CDC42BPG: variants seen among roughly 807,000 people sequenced by gnomAD.
The protein encoded by CDC42BPG is CDC42 binding protein kinase gamma.
Under a neutral mutation model 192.2 loss-of-function variants are expected in CDC42BPG, and 157 were observed. The ratio of observed to expected loss-of-function variants is 0.82; its 90% confidence interval spans 0.72 to 0.93. The LOEUF is 0.93. Among genes scored for constraint, CDC42BPG ranks in the 40% least tolerant of loss-of-function variants. The pLI is 0.00. For synonymous variants in CDC42BPG, 981 were observed against 918.5 expected (o/e 1.07, Z -1.23); for missense variants, 1,992 against 2,122.1 (o/e 0.94, Z 1.20).
At chr11:64,825,439 A>G (rs1034392970) in intron 36 of CDC42BPG, among the ~76,000 whole-genome samples, 1 of 152,166 alleles carries the variant, frequency 6.6e-6, no homozygotes, top group African/African-American at 2.4e-5. Flanking sequence ...TGACTACCTG[A>G]CCAAGCGGCC....
At position 64,834,284 on chromosome 11, in the gene CDC42BPG, G is replaced by A. The variant is rs773077795; in HGVS notation, c.2395C>T (p.Arg799Trp). ...QELAMLREEL[R>W]ARGPVDTKPS... Reference sequence around the variant, plus strand: ...CACTCACCCACTGGCCCTCGGGCCCGCAGCTCCTCCCGCAGCATGGCGAGC... The same window carrying A: ...CACTCACCCACTGGCCCTCGGGCCCACAGCTCCTCCCGCAGCATGGCGAGC... The change falls in exon 20 of 37, where the codon CGG becomes TGG. Residue 799 changes from arginine to tryptophan, a missense_variant. Transcript: ENST00000342711. 3.8e-6 allele frequency: 6 copies of A among 1,576,578 alleles called. No homozygotes were observed. The Admixed American group carries it at 5.3e-5, about 14-fold the overall frequency.
chr11:64,839,507 A>G lies in CDC42BPG; in HGVS notation c.646T>C (p.Ser216Pro). ...NGHIRLADFG[S>P]CLRLNTNGMV... ...CCGTTGGTGTTGAGACGCAGGCAGG[A>G]GCCGAAGTCAGCCAGGCGAATGTGC... Residue 216 changes from serine to proline, a missense_variant, in exon 6 of 37, where the codon TCC (serine) becomes CCC (proline). Ser to Pro is a moderately conservative substitution (Grantham distance 74). Around this residue, in one of 2 missense-constraint regions of CDC42BPG, gnomAD observed 1,656 missense variants for 1,844.3 expected, o/e 0.90. Transcript: ENST00000342711. 1 of 1,613,206 alleles carries G rather than the reference A, an allele frequency of 6.2e-7. No individual in the cohort carries two copies. The highest frequency in any genetic ancestry group is 1.1e-5 in the South Asian group (1 of 91,082).
chr11:64,839,511 G>C lies in CDC42BPG; in HGVS notation c.642C>G (p.Phe214Leu). ...TGGTGTTGAGACGCAGGCAGGAGCC[G>C]AAGTCAGCCAGGCGAATGTGCCCGT... ...DVNGHIRLADFGSCLRLNTNG... is the reference protein window; with the variant it reads ...DVNGHIRLADLGSCLRLNTNG... The change falls in exon 6 of 37, where the codon TTC becomes TTG. Residue 214 changes from phenylalanine (F) to leucine (L), a missense_variant. Phe to Leu is a conservative substitution (Grantham distance 22). Coordinates refer to ENST00000342711, the MANE Select transcript of CDC42BPG (RefSeq NM_017525.3). The C allele has an allele frequency of 6.2e-7, 1 of 1,613,248 alleles. No homozygotes were observed.
At position 64,823,542 on chromosome 11, in the gene CDC42BPG, A is replaced by G. The variant is rs1942318121; in HGVS notation, c.*931T>C. On this transcript the variant is annotated 3_prime_UTR_variant, in exon 37 of 37. Transcript: ENST00000342711. ...AATAACAATATAATGACTGTGATCAATAGTAAAATGCGCCCTAGTTTCCAA... is the reference window on the plus strand; with the variant it reads ...AATAACAATATAATGACTGTGATCAGTAGTAAAATGCGCCCTAGTTTCCAA... 6.6e-6 allele frequency: 1 copy of G among 152,144 alleles called. No individual in the cohort carries two copies. The highest frequency in any genetic ancestry group is 2.1e-4 in the South Asian group (1 of 4,826). 9.4% of individuals were successfully genotyped at this position (152,144 alleles called of 1,614,324 possible).
intron 28 of CDC42BPG, among the ~76,000 whole-genome samples, chr11:64,830,627 C>G (rs1592691723): frequency 1.3e-5 from 2 of 152,202 alleles, no homozygotes; most frequent in South Asian, 2.1e-4. Flanking sequence ...CCCTCTGGTT[C>G]CCGACTGCTC....
chr11:64,840,147 G>A lies in CDC42BPG; in HGVS notation c.554C>T (p.Ser185Leu), dbSNP rs367737450. 34 of 1,612,802 alleles carry A rather than the reference G, an allele frequency of 2.1e-5. No individual in the cohort carries two copies. The highest frequency in any genetic ancestry group is 6.7e-5 in the Admixed American group (4 of 59,986). The change falls in exon 5 of 37, where the codon TCG becomes TTG. Residue 185 changes from serine to leucine, a missense_variant. Physicochemically the swap from Ser to Leu is moderately radical, Grantham distance 145. This residue lies in a region of CDC42BPG where 1,656 missense variants were observed against 1,844.3 expected (regional missense o/e 0.90). Coordinates refer to ENST00000342711, the MANE Select transcript of CDC42BPG (RefSeq NM_017525.3). The stretch of plus-strand genomic sequence containing the variant: ...GTGGACATAACCCAGCTGGTGCAGC[G>A]AGTGGATGGCCAGCACCATCTCAGC... ...YLAEMVLAIHSLHQLGYVHRD... is the reference protein window; with the variant it reads ...YLAEMVLAIHLLHQLGYVHRD...
intron 3 of CDC42BPG, 145 bp downstream of exon 3, chr11:64,841,505 T>G: frequency 1.5e-6 from 1 of 674,174 alleles, no homozygotes; most frequent in Non-Finnish European, 2.6e-6. Context: ...GTGAGAAAGA[T>G]AACAAATCAG....
In CDC42BPG at chr11:64,841,633, C is replaced by T. The variant is rs371911288; in HGVS notation, c.336+17G>A. 1 of 1,611,872 alleles carries T rather than the reference C, an allele frequency of 6.2e-7. No homozygotes were observed. Among genetic ancestry groups the T allele is most frequent in the African/African-American group, 1.3e-5 (1 of 74,832 alleles). On this transcript the variant is annotated intron_variant, in intron 3 of 36. Coordinates refer to ENST00000342711, the MANE Select transcript of CDC42BPG (RefSeq NM_017525.3). The stretch of plus-strand genomic sequence containing the variant: ...CATTTGTAGGGTGCCCAAGGGCCCC[C>T]CAGACTCCACACTGACCTCAGCCCT...
intron 34 of CDC42BPG, 27 bp from the exon 35 acceptor site, chr11:64,826,821 G>A: frequency 6.8e-7 from 1 of 1,474,986 alleles, no homozygotes; most frequent in Non-Finnish European, 9.0e-7. Context: ...CGGAGGGGCT[G>A]GGACTAGCAG....
At position 64,827,719 on chromosome 11, in the gene CDC42BPG, C is replaced by T. The variant is rs1343550247; in HGVS notation, c.4032G>A (p.Arg1344=). The change falls in exon 31 of 37, where the codon AGG becomes AGA. Residue 1344 remains arginine, a synonymous_variant. Transcript: ENST00000342711. ...GCGGCACGGTCTGCACCCATTCTGC[C>T]CTCCTCACGTCAAACACATCGATGG... ...ENSIDVFDVR[R]AEWVQTVPLK... The T allele has an allele frequency of 6.2e-6, 10 of 1,613,444 alleles. No homozygotes were observed. Among genetic ancestry groups the T allele is most frequent in the East Asian group, 2.2e-5 (1 of 44,870 alleles).
At chr11:64,826,426 TGAC>T in intron 36 of CDC42BPG, 41 bp downstream of exon 36, 1 of 1,393,364 alleles carries the variant, frequency 7.2e-7, no homozygotes, top group African/African-American at 1.4e-5. Context: ...CGGAACTGCC[TGAC>T]GTTTGAATAG....
At chr11:64,830,307 C>T (rs1391770199) in intron 28 of CDC42BPG, 51 bp from the exon 29 acceptor site, 18 of 1,477,446 alleles carry the variant, frequency 1.2e-5, no homozygotes, top group African/African-American at 2.8e-5. Flanking sequence ...CTCAATGACA[C>T]GGAGATTGGG....
At chr11:64,844,385 C>T in intron 1 of CDC42BPG, 25 bp downstream of exon 1, 1 of 1,376,086 alleles carries the variant, frequency 7.3e-7, no homozygotes, top group Non-Finnish European at 9.4e-7. Context: ...GGCCCGCCCC[C>T]GCTCCGTGCC....
chr11:64,830,336 G>A (rs1430909303), intron 28 of CDC42BPG, 80 bp from the exon 29 acceptor site: 8 of 1,191,686 alleles, frequency 6.7e-6, no homozygotes, highest in African/African-American at 1.5e-5. Context: ...CTGCCCTGCT[G>A]TGCCTGTTTA....
chr11:64,826,670 C>G lies in CDC42BPG; in HGVS notation c.4513+1G>C. The G allele has an allele frequency of 6.4e-7, 1 of 1,572,842 alleles. No homozygotes were observed. The highest frequency in any genetic ancestry group is 1.2e-5 in the South Asian group (1 of 85,194). On this transcript the variant is annotated splice_donor_variant, in intron 35 of 36. Transcript: ENST00000342711. LOFTEE classifies it high-confidence loss of function. ...ACTGGAGGCTGAGGGGCTGCCCTTA[C>G]TGGGGTCTGCGTCTCCACCGAGGCC...
At position 64,830,211 on chromosome 11, in the gene CDC42BPG, A is replaced by G. The variant is rs1254675041; in HGVS notation, c.3350T>C (p.Ile1117Thr). Reference sequence around the variant, plus strand: ...ATAGGTACCGTTGCTGCGCAGATGGATGACAAAGAGCCCCTCCTCGGTGCC... The same window carrying G: ...ATAGGTACCGTTGCTGCGCAGATGGGTGACAAAGAGCCCCTCCTCGGTGCC... ...ALGTEEGLFV[I>T]HLRSNDIFQV... is the part of the protein sequence containing the mutation. The change falls in exon 29 of 37, where the codon ATC (isoleucine) becomes ACC (threonine). Residue 1117 changes from isoleucine (I) to threonine (T), a missense_variant. This residue lies in a region of CDC42BPG where 1,656 missense variants were observed against 1,844.3 expected (regional missense o/e 0.90). Transcript: ENST00000342711. 6.2e-7 allele frequency: 1 copy of G among 1,613,566 alleles called. No homozygotes were observed. The highest frequency in any genetic ancestry group is 8.5e-7 in the Non-Finnish European group (1 of 1,179,778).
chr11:64,826,627 T>C (rs1376874164), intron 35 of CDC42BPG, 44 bp downstream of exon 35: 5 of 1,417,984 alleles, frequency 3.5e-6, no homozygotes, highest in Non-Finnish European at 2.8e-6. Flanking sequence ...GGTAGAAACT[T>C]GGGGTGGGGG....
Position 64,836,452 on chromosome 11 carries a change from C to T in CDC42BPG, c.1463G>A (p.Arg488Gln), listed in dbSNP as rs141461205. The T allele has an allele frequency of 2.4e-4, 389 of 1,612,862 alleles. No individual in the cohort carries two copies. The highest frequency in any genetic ancestry group is 3.3e-4 in the Middle Eastern group (2 of 6,082). The change falls in exon 12 of 37, where the codon CGG becomes CAG. Residue 488 changes from arginine (R) to glutamine (Q), a missense_variant. Around this residue, in one of 2 missense-constraint regions of CDC42BPG, gnomAD observed 1,656 missense variants for 1,844.3 expected, o/e 0.90. Transcript: ENST00000342711. Reference protein sequence around the residue: ...AGSPGQDSDLRQELDRLHREL... With the variant: ...AGSPGQDSDLQQELDRLHREL... ...CCGGTGAAGTCGGTCAAGCTCCTGC[C>T]GTAGGTCACTGTCCTGACCTGGGCT...
intron 13 of CDC42BPG, 126 bp from the exon 14 acceptor site, chr11:64,835,977 C>T: frequency 7.7e-7 from 1 of 1,299,140 alleles, no homozygotes; most frequent in Non-Finnish European, 1.1e-6. Context: ...CCAGACTGCC[C>T]CGTCCCAGCC....
Sources: gnomAD v4.1 joint callset for allele counts (sites outside exome capture counted in the v4.1 genomes callset) on GRCh38, gnomAD v4.1.1 for gene constraint, gnomAD v4.1.1 regional missense constraint, MANE v1.5 for transcripts, NCBI Gene and HGNC (gene_info 2026-07-23, HGNC 2026-07-21) for gene names.